FER1L5: variants seen among roughly 807,000 people sequenced by gnomAD.
The protein encoded by FER1L5 is fer-1-like protein 5.
A neutral mutation model predicts 279.9 loss-of-function variants in FER1L5; 187 were observed. The ratio of observed to expected loss-of-function variants is 0.67; its 90% CI spans 0.59 to 0.75. The LOEUF (loss-of-function observed/expected upper bound fraction) is 0.75. Among genes scored for constraint, FER1L5 ranks in the 30% least tolerant of loss-of-function variants. The pLI, the probability that FER1L5 is intolerant of heterozygous loss-of-function variation, is 0.00. For missense variants in FER1L5, 2,091 were observed against 2,594.4 expected, an observed-to-expected ratio of 0.81 and a Z score of 4.21; for synonymous variants, 921 against 989.7, an observed-to-expected ratio of 0.93 and a Z score of 1.30.
intron 19 of FER1L5, among the ~76,000 whole-genome samples, chr2:96,682,203 C>A (rs966233519): frequency 1.3e-5 from 2 of 152,204 alleles, no homozygotes; most frequent in African/African-American, 4.8e-5. Flanking sequence ...TCTCCTGCCT[C>A]AGCCTCCCAG....
In FER1L5 at chr2:96,642,786, A is replaced by G. The variant is rs2074938741; in HGVS notation, c.-51A>G. The G allele has an allele frequency of 6.5e-7, 1 of 1,528,634 alleles. No individual in the cohort carries two copies. The highest frequency in any genetic ancestry group is 1.4e-5 in the African/African-American group (1 of 72,266). 94.7% of individuals were successfully genotyped at this position (1,528,634 alleles called of 1,614,324 possible). On this transcript the variant is annotated 5_prime_UTR_variant, in exon 1 of 53. Coordinates refer to ENST00000624922, the MANE Select transcript of FER1L5 (RefSeq NM_001293083.2). ...AGTCTTGGACTGAGGAGCTCCAAAA[A>G]GGAAGCTGTGGCGCTGCGTAGGGAA... is the stretch of plus-strand genomic sequence containing the variant.
chr2:96,646,517 G>C, intron 2 of FER1L5, 64 bp downstream of exon 2: 1 of 1,501,522 alleles, frequency 6.7e-7, no homozygotes, highest in South Asian at 1.2e-5. Flanking sequence ...GCAAGGGTGG[G>C]GTCCAGGAAG....
Position 96,694,071 on chromosome 2 carries a change from A to C in FER1L5, c.3635A>C (p.Glu1212Ala). Residue 1212 changes from glutamate to alanine, a missense_variant and splice_region_variant, in exon 33 of 53, where the codon GAG (glutamate) becomes GCG (alanine). Coordinates refer to ENST00000624922, the MANE Select transcript of FER1L5 (RefSeq NM_001293083.2). The surrounding 1 kb of genome is among the most constrained non-coding windows in gnomAD (Gnocchi z 4.6). ...LASCELILQT[E>A]KLGEKQLPIL... Reference sequence around the variant, plus strand: ...TCCTGTGAGCTGATCCTCCAGACTGAGGTATTGGGAGAGAGGGCCTGGCTG... The same window carrying C: ...TCCTGTGAGCTGATCCTCCAGACTGCGGTATTGGGAGAGAGGGCCTGGCTG... 1.3e-6 allele frequency: 2 copies of C among 1,539,688 alleles called. No individual in the cohort carries two copies. Among genetic ancestry groups the C allele is most frequent in the Non-Finnish European group, 1.7e-6 (2 of 1,146,434 alleles).
chr2:96,665,972 G>A (rs2076112275), intron 14 of FER1L5, among the ~76,000 whole-genome samples: 1 of 152,044 alleles, frequency 6.6e-6, no homozygotes, highest in Admixed American at 6.6e-5. Flanking sequence ...ATTTGAAGAT[G>A]TTCAAACACC....
In FER1L5 at chr2:96,654,457, C is replaced by T; in HGVS notation, c.708C>T (p.Ser236=). 1 of 399,046 alleles carries T rather than the reference C, an allele frequency of 2.5e-6. No homozygotes were observed. The highest frequency in any genetic ancestry group is 4.4e-6 in the Non-Finnish European group (1 of 226,086). 24.7% of individuals were successfully genotyped at this position (399,046 alleles called of 1,614,324 possible). A position where few individuals can be genotyped will look rare whatever the true frequency, so the allele number is the denominator to read the frequency against. The change falls in exon 9 of 53, where the codon TCC becomes TCT. Residue 236 remains serine, a synonymous_variant. Coordinates refer to ENST00000624922, the MANE Select transcript of FER1L5 (RefSeq NM_001293083.2). Reference sequence around the variant, plus strand: ...GAACTCCCTTGCAGGTGGTGAACTCCTCAGCAATGAGATACAAAGCAGAGA... The same window carrying T: ...GAACTCCCTTGCAGGTGGTGAACTCTTCAGCAATGAGATACAAAGCAGAGA... The part of the protein sequence containing the change: ...DETILIQVVN[S]SAMRYKAEIG...
intron 16 of FER1L5, 33 bp from the exon 17 acceptor site, chr2:96,669,010 G>A: frequency 6.4e-7 from 1 of 1,551,614 alleles, no homozygotes; most frequent in Non-Finnish European, 8.7e-7. Context: ...CCCTCGTCCT[G>A]CGCCCGACCC....
rs1013720670 is a variant in FER1L5, at chr2:96,698,601, A to G, written c.4357-70A>G. ...CTCTCTCCTGAACATGGGCTGGGGC[A>G]CCTCCCAGAGGGCTTTACAGAGCTG... On this transcript the variant is annotated intron_variant, in intron 40 of 52. Transcript: ENST00000624922. The surrounding 1 kb of genome is among the most constrained non-coding windows in gnomAD (Gnocchi z 5.5). 1.2e-5 allele frequency: 16 copies of G among 1,321,984 alleles called. No individual in the cohort carries two copies. Among genetic ancestry groups the G allele is most frequent in the East Asian group, 7.5e-5 (3 of 39,848 alleles). 81.9% of individuals were successfully genotyped at this position (1,321,984 alleles called of 1,614,324 possible).
rs2077443105 is a variant in FER1L5 at position 96,697,909 on chromosome 2, C to T, written c.4237-128C>T. On this transcript the variant is annotated intron_variant, in intron 39 of 52. Transcript: ENST00000624922. ...GCTCCAGCTGCCACCCTGTCTGAAGCACACAGTGCTGGCCCCAGGGCCGCT... is the reference window on the plus strand; with the variant it reads ...GCTCCAGCTGCCACCCTGTCTGAAGTACACAGTGCTGGCCCCAGGGCCGCT... 3.4e-6 allele frequency: 5 copies of T among 1,461,970 alleles called. No individual in the cohort carries two copies. The East Asian group carries it at 1.2e-4, about 36-fold the overall frequency. 90.6% of individuals were successfully genotyped at this position (1,461,970 alleles called of 1,614,324 possible).
intron 19 of FER1L5, among the ~76,000 whole-genome samples, chr2:96,680,333 A>G (rs2076672881): frequency 6.6e-6 from 1 of 151,920 alleles, no homozygotes; most frequent in South Asian, 2.1e-4. Context: ...AGGGTCTGAA[A>G]CTAGTGTCTT....
intron 9 of FER1L5, among the ~76,000 whole-genome samples, chr2:96,656,825 TG>T (rs2106478809): frequency 6.6e-6 from 1 of 151,516 alleles, no homozygotes; most frequent in Non-Finnish European, 1.5e-5. Context: ...TTCTCTGGTC[TG>T]GGTTTTGCTG....
chr2:96,692,058 G>T (rs1011473824), intron 30 of FER1L5, 46 bp from the exon 31 acceptor site: 12 of 1,549,162 alleles, frequency 7.7e-6, no homozygotes, highest in Non-Finnish European at 1.7e-6. Flanking sequence ...AGAGGGAGCC[G>T]CTGGGGTCCT....
chr2:96,668,603 A>T lies in FER1L5; in HGVS notation c.1141-148A>T, dbSNP rs977587823. 21 of 929,738 alleles carry T rather than the reference A, an allele frequency of 2.3e-5. No individual in the cohort carries two copies. The African/African-American group carries it at 2.3e-4, about 10-fold the overall frequency. 57.6% of individuals were successfully genotyped at this position (929,738 alleles called of 1,614,324 possible). Reference sequence around the variant, plus strand: ...CAAAGCTCGATTCGCTTGGTTCAAAATCCAGCTTTTCTATGATGAAGTGGC... The same window carrying T: ...CAAAGCTCGATTCGCTTGGTTCAAATTCCAGCTTTTCTATGATGAAGTGGC... On this transcript the variant is annotated intron_variant, in intron 14 of 52. Coordinates refer to ENST00000624922, the MANE Select transcript of FER1L5 (RefSeq NM_001293083.2).
At position 96,690,596 on chromosome 2, in the gene FER1L5, C is replaced by A. The variant is rs781227870; in HGVS notation, c.2743+7C>A. On this transcript the variant is annotated splice_region_variant and intron_variant, in intron 27 of 52. Coordinates refer to ENST00000624922, the MANE Select transcript of FER1L5 (RefSeq NM_001293083.2). ...CACGCAGTGGACAGTAAGGGTCAGT[C>A]GTTTGGTCAGGGTTGGGATCGGGAG... is the stretch of plus-strand genomic sequence containing the variant. The A allele has an allele frequency of 1.9e-6, 3 of 1,550,852 alleles. No homozygotes were observed. Among genetic ancestry groups the A allele is most frequent in the South Asian group, 2.4e-5 (2 of 83,996 alleles).
rs1191579049 is a variant in FER1L5, at chr2:96,698,038, T to C, written c.4238T>C (p.Val1413Ala). The change falls in exon 40 of 53, where the codon GTG (valine) becomes GCG (alanine). Residue 1413 changes from valine (V) to alanine (A), a missense_variant and splice_region_variant. Coordinates refer to ENST00000624922, the MANE Select transcript of FER1L5 (RefSeq NM_001293083.2). The surrounding 1 kb of genome is among the most constrained non-coding windows in gnomAD (Gnocchi z 5.5). ...YKYKDYHTLK[V>A]YECELEAVPA... is the part of the protein sequence containing the mutation. ...CCAGGGTTCCACACACCTCTGCAGGTGTATGAGTGTGAGCTGGAGGCCGTG... is the reference window on the plus strand; with the variant it reads ...CCAGGGTTCCACACACCTCTGCAGGCGTATGAGTGTGAGCTGGAGGCCGTG... 6.4e-7 allele frequency: 1 copy of C among 1,567,538 alleles called. No homozygotes were observed. Among genetic ancestry groups the C allele is most frequent in the Admixed American group, 1.9e-5 (1 of 52,930 alleles).
Position 96,698,125 on chromosome 2 carries a change from A to G in FER1L5, c.4325A>G (p.Lys1442Arg), listed in dbSNP as rs766373521. The change falls in exon 40 of 53, where the codon AAG (lysine) becomes AGG (arginine). Residue 1442 changes from lysine to arginine, a missense_variant. Coordinates refer to ENST00000624922, the MANE Select transcript of FER1L5 (RefSeq NM_001293083.2). The surrounding 1 kb of genome is among the most constrained non-coding windows in gnomAD (Gnocchi z 5.5). ...TTCAAACTCTACCAGGAGCAGCCCA[A>G]GTTGGACAGCCCCGTGGTAGGGGAG... ...QTFKLYQEQP[K>R]LDSPVVGEFK... 1.9e-6 allele frequency: 3 copies of G among 1,579,362 alleles called. No individual in the cohort carries two copies. Among genetic ancestry groups the G allele is most frequent in the East Asian group, 2.3e-5 (1 of 42,690 alleles).
rs2077151547 is a variant in FER1L5, at chr2:96,691,630, G to A, written c.3075+18G>A. On this transcript the variant is annotated intron_variant, in intron 29 of 52. Coordinates refer to ENST00000624922, the MANE Select transcript of FER1L5 (RefSeq NM_001293083.2). The surrounding 1 kb of genome is among the most constrained non-coding windows in gnomAD (Gnocchi z 6.0). The stretch of plus-strand genomic sequence containing the variant: ...GGTCCTTGGTAAAGCCTCACAGGCT[G>A]GGTGATGCCTGCCTGTAACCCCACC... The A allele has an allele frequency of 4.0e-6, 6 of 1,511,068 alleles. No homozygotes were observed. The highest frequency in any genetic ancestry group is 5.3e-6 in the Non-Finnish European group (6 of 1,126,466). The allele number at this position is 1,511,068 out of a possible 1,614,324, so 93.6% of individuals were successfully genotyped here.
chr2:96,698,896 C>T lies in FER1L5; in HGVS notation c.4518+64C>T. ...GCTCCCCTCAACCCATCTCTGGGAG[C>T]CCCCTCCGACTGCTGACACACAGAA... On this transcript the variant is annotated intron_variant, in intron 41 of 52. Coordinates refer to ENST00000624922, the MANE Select transcript of FER1L5 (RefSeq NM_001293083.2). This position sits in a 1 kb window ranked among gnomAD's most constrained non-coding sequence, Gnocchi z 5.5. The T allele has an allele frequency of 6.5e-7, 1 of 1,537,372 alleles. No individual in the cohort carries two copies. The highest frequency in any genetic ancestry group is 1.2e-5 in the South Asian group (1 of 83,564).
At chr2:96,677,921 T>C (rs1347737797) in intron 19 of FER1L5, among the ~76,000 whole-genome samples, 1 of 151,686 alleles carries the variant, frequency 6.6e-6, no homozygotes, top group Non-Finnish European at 1.5e-5. Context: ...AGTCTTTAAG[T>C]GGAATGGCTT....
Position 96,704,773 on chromosome 2 carries a change from C to G in FER1L5, c.*81C>G, listed in dbSNP as rs1421779017. The G allele has an allele frequency of 1.9e-6, 2 of 1,062,866 alleles. No individual in the cohort carries two copies. The highest frequency in any genetic ancestry group is 3.2e-5 in the African/African-American group (2 of 63,142). 65.8% of individuals were successfully genotyped at this position (1,062,866 alleles called of 1,614,324 possible). A position where few individuals can be genotyped will look rare whatever the true frequency, so the allele number is the denominator to read the frequency against. On this transcript the variant is annotated 3_prime_UTR_variant, in exon 53 of 53. Coordinates refer to ENST00000624922, the MANE Select transcript of FER1L5 (RefSeq NM_001293083.2). ...GCTACCAGTTCTTTGTTTCTATCTT[C>G]TAGAATATATGCAAGATGCTAGGAA...
Sources: gnomAD v4.1 joint callset for allele counts (sites outside exome capture counted in the v4.1 genomes callset) on GRCh38, gnomAD v4.1.1 for gene constraint, Gnocchi (gnomAD v3.1) non-coding constraint, MANE v1.5 for transcripts, NCBI Gene and HGNC (gene_info 2026-07-23, HGNC 2026-07-21) for gene names.